Variants in GOLM1 observed in about 807,000 individuals in gnomAD.
GOLM1 encodes golgi membrane protein 1.
GOLM1 carries 31 observed loss-of-function variants against 50.5 expected under a neutral mutation model. That is an observed-to-expected ratio of 0.61 (90% CI 0.46 to 0.83). The LOEUF is 0.83. Ranked by LOEUF, GOLM1 falls within the 40% of genes least tolerant of loss-of-function variation. The pLI is 0.00. For synonymous variants in GOLM1, 178 were observed against 192.8 expected, an observed-to-expected ratio of 0.92 and a Z score of 0.64; for missense variants, 491 against 501.3, an observed-to-expected ratio of 0.98 and a Z score of 0.20.
At chr9:86,053,581 A>AAACCACAC (rs1833866641) in intron 3 of GOLM1, among the ~76,000 whole-genome samples, 1 of 1,418 alleles carries the variant, frequency 7.1e-4, no homozygotes, top group Non-Finnish European at 1.8e-3. Flanking sequence ...CACACACACC[A>AAACCACAC]CACACCACAC....
At chr9:86,096,843 T>C (rs7867556) in intron 1 of GOLM1, among the ~76,000 whole-genome samples, 30,403 of 151,906 alleles carry the variant, frequency 0.2, 4,696 homozygotes, top group East Asian at 0.52. Context: ...TACAGAAGAG[T>C]GTTAAAAAAG....
chr9:86,072,965 C>A (rs1834494054), intron 3 of GOLM1, among the ~76,000 whole-genome samples: 1 of 152,158 alleles, frequency 6.6e-6, no homozygotes, highest in Non-Finnish European at 1.5e-5. Flanking sequence ...ATTTGTGTAT[C>A]TGAACATAGA....
chr9:86,054,740 G>C (rs1564348215), intron 3 of GOLM1, among the ~76,000 whole-genome samples: 2 of 152,112 alleles, frequency 1.3e-5, no homozygotes, highest in Non-Finnish European at 2.9e-5. Flanking sequence ...AACGTAGTAG[G>C]CTGTACCTAA....
intron 1 of GOLM1, among the ~76,000 whole-genome samples, chr9:86,084,019 T>C (rs992929546): frequency 6.6e-6 from 1 of 152,154 alleles, no homozygotes; most frequent in Non-Finnish European, 1.5e-5. Context: ...ACATAATATA[T>C]AATAAATGCC....
intron 3 of GOLM1, among the ~76,000 whole-genome samples, chr9:86,055,594 ATAT>A (rs1379238294): frequency 6.6e-6 from 1 of 152,218 alleles, no homozygotes; most frequent in Non-Finnish European, 1.5e-5. Flanking sequence ...ATACAATGAA[ATAT>A]TATGCTACCT....
intron 5 of GOLM1, among the ~76,000 whole-genome samples, chr9:86,045,448 G>A (rs1375974885): frequency 6.6e-6 from 1 of 152,076 alleles, no homozygotes; most frequent in Non-Finnish European, 1.5e-5. Flanking sequence ...CAAGGCAGGT[G>A]GATCACCTGA....
At chr9:86,082,984 C>G (rs988641215) in intron 1 of GOLM1, among the ~76,000 whole-genome samples, 8 of 152,186 alleles carry the variant, frequency 5.3e-5, no homozygotes, top group Non-Finnish European at 1.0e-4. Flanking sequence ...ATGGTTTGCT[C>G]CATTCTTTTC....
At chr9:86,034,008 A>G (rs1833061486) in intron 8 of GOLM1, among the ~76,000 whole-genome samples, 2 of 143,940 alleles carry the variant, frequency 1.4e-5, no homozygotes, top group Admixed American at 1.5e-4. Flanking sequence ...TCTGTCGCCC[A>G]GGCTGGAGTG....
At chr9:86,076,152 C>T (rs1451217082) in intron 3 of GOLM1, among the ~76,000 whole-genome samples, 1 of 152,082 alleles carries the variant, frequency 6.6e-6, no homozygotes, top group African/African-American at 2.4e-5. Context: ...GGTGCGGTGG[C>T]TCATGCCTGT....
chr9:86,071,050 T>C, intron 3 of GOLM1, among the ~76,000 whole-genome samples: 1 of 147,510 alleles, frequency 6.8e-6, no homozygotes, highest in South Asian at 2.2e-4. Flanking sequence ...TGTGATTCAG[T>C]ACAAACATTT....
intron 8 of GOLM1, chr9:86,035,096 G>T (rs1168895445): frequency 1.0e-6 from 1 of 985,144 alleles, no homozygotes; most frequent in Non-Finnish European, 1.2e-6. Context: ...TTGATGCTAA[G>T]CACCCATCTG....
intron 3 of GOLM1, among the ~76,000 whole-genome samples, chr9:86,063,916 G>C (rs1278511996): frequency 6.6e-6 from 1 of 152,252 alleles, no homozygotes; most frequent in Non-Finnish European, 1.5e-5. Flanking sequence ...CGTCTGGTCA[G>C]CCGCTAACCA....
chr9:86,045,448 G>C (rs1375974885), intron 5 of GOLM1, among the ~76,000 whole-genome samples: 3 of 152,076 alleles, frequency 2.0e-5, no homozygotes, highest in Admixed American at 1.3e-4. Flanking sequence ...CAAGGCAGGT[G>C]GATCACCTGA....
At chr9:86,051,728 T>A (rs953853010) in intron 4 of GOLM1, among the ~76,000 whole-genome samples, 1 of 152,066 alleles carries the variant, frequency 6.6e-6, no homozygotes, top group Non-Finnish European at 1.5e-5. Context: ...TGAACCTTTA[T>A]GTGAGACCCC....
At chr9:86,038,177 AAAAG>A (rs777849870) in intron 6 of GOLM1, among the ~76,000 whole-genome samples, 6 of 151,886 alleles carry the variant, frequency 4.0e-5, no homozygotes, top group Non-Finnish European at 7.4e-5. Flanking sequence ...AAAAAAAAGA[AAAAG>A]AAAAAACCTG....
intron 1 of GOLM1, among the ~76,000 whole-genome samples, chr9:86,081,471 T>C (rs118075522): frequency 0.013 from 2,034 of 151,926 alleles, 21 homozygotes; most frequent in Middle Eastern, 0.041. Flanking sequence ...GCTGGGAATA[T>C]AGGCATGAGC....
chr9:86,098,138 C>T (rs1835409258), intron 1 of GOLM1, among the ~76,000 whole-genome samples: 1 of 152,170 alleles, frequency 6.6e-6, no homozygotes, highest in Non-Finnish European at 1.5e-5. Flanking sequence ...AAAAGCTAAC[C>T]TCTTTTCTTT....
At chr9:86,057,335 A>T (rs1286779479) in intron 3 of GOLM1, among the ~76,000 whole-genome samples, 1 of 152,268 alleles carries the variant, frequency 6.6e-6, no homozygotes, top group Non-Finnish European at 1.5e-5. Context: ...AATAAGATGT[A>T]GTGACTAATT....
chr9:86,031,180 A>G (rs1832967997), intron 9 of GOLM1, among the ~76,000 whole-genome samples: 1 of 152,006 alleles, frequency 6.6e-6, no homozygotes, highest in Admixed American at 6.6e-5. Context: ...ACTGCACTCC[A>G]GCCTGGGCAA....
Sources: gnomAD v4.1 joint callset for allele counts (sites outside exome capture counted in the v4.1 genomes callset) on GRCh38, gnomAD v4.1.1 for gene constraint, MANE v1.5 for transcripts, NCBI Gene and HGNC (gene_info 2026-07-23, HGNC 2026-07-21) for gene names.